NAV2: variants seen among roughly 807,000 people sequenced by gnomAD.
NAV2 encodes the protein neuron navigator 2, also known as helicase, APC down-regulated 1.
In NAV2, 54 loss-of-function variants were observed where a neutral mutation model predicts 223.2. The ratio of observed to expected loss-of-function variants is 0.24; its 90% confidence interval spans 0.19 to 0.30. The LOEUF (loss-of-function observed/expected upper bound fraction) is 0.30, where lower values mean the gene tolerates loss of function less well. Among genes scored for constraint, NAV2 ranks in the 10% least tolerant of loss-of-function variants. NAV2 has a pLI of 1.00. For synonymous variants in NAV2, 1,279 were observed against 1,239.3 expected (o/e 1.03, Z -0.67); for missense variants, 2,806 against 3,147.5 (o/e 0.89, Z 2.60).
At chr11:19,409,992 C>T (rs11025123) in intron 1 of NAV2, among the ~76,000 whole-genome samples, 24,052 of 152,048 alleles carry the variant, frequency 0.16, 2,750 homozygotes, top group African/African-American at 0.3. Flanking sequence ...TTCTCTGGGA[C>T]GCTCTCCTGG....
intron 1 of NAV2, among the ~76,000 whole-genome samples, chr11:19,387,193 A>G (rs962400202): frequency 2.6e-5 from 4 of 152,228 alleles, no homozygotes; most frequent in Middle Eastern, 3.4e-3. Context: ...AAAATTTTCC[A>G]TATCCTGCTG....
intron 1 of NAV2, among the ~76,000 whole-genome samples, chr11:19,681,970 A>G (rs538581580): frequency 9.8e-5 from 15 of 152,288 alleles, no homozygotes; most frequent in African/African-American, 3.4e-4. Context: ...CAATATCAAG[A>G]TAGCTTGTGT....
At chr11:19,628,688 T>C (rs1161430003) in intron 1 of NAV2, among the ~76,000 whole-genome samples, 1 of 152,080 alleles carries the variant, frequency 6.6e-6, no homozygotes, top group African/African-American at 2.4e-5. Flanking sequence ...TATTCACAAA[T>C]ACAGTTGCCA....
rs532695411 is a variant in NAV2 at position 19,731,423 on chromosome 11, A to G, written c.267+17461A>G. ...TATCACACTGGGCTGAACCCTGGCA[A>G]TTTAATGAGAATGAGACAGATGTAG... is the stretch of plus-strand genomic sequence containing the variant. On this transcript the variant is annotated intron_variant, in intron 1 of 37. Coordinates refer to ENST00000349880, the MANE Select transcript of NAV2 (RefSeq NM_145117.5). 3.9e-5 allele frequency among the ~76,000 whole-genome samples: 6 copies of G among 152,330 alleles called. No homozygotes were observed. The East Asian group carries it at 1.2e-3, about 29-fold the overall frequency.
intron 1 of NAV2, among the ~76,000 whole-genome samples, chr11:19,381,045 A>G (rs985409862): frequency 1.3e-5 from 2 of 152,262 alleles, no homozygotes; most frequent in East Asian, 3.9e-4. Flanking sequence ...CTCTTTGCCT[A>G]TACCTGTGTT....
At chr11:20,004,327 G>T (rs2250233) in intron 11 of NAV2, among the ~76,000 whole-genome samples, 149,984 of 152,304 alleles carry the variant, frequency 0.98, 73,898 homozygotes, top group East Asian at 1. Flanking sequence ...CCATGTTTCT[G>T]GTGTAATCCA....
At chr11:19,711,244 A>C (rs968952464), upstream of NAV2, 4 of 152,190 alleles carry the variant, frequency 2.6e-5, no homozygotes, top group African/African-American at 9.7e-5. Flanking sequence ...CTGGTCTGAG[A>C]TCTTTGTCAC....
At chr11:19,600,670 A>G (rs2135237759) in intron 1 of NAV2, among the ~76,000 whole-genome samples, 2 of 152,330 alleles carry the variant, frequency 1.3e-5, no homozygotes, top group South Asian at 2.1e-4. Context: ...CAATTTCTAT[A>G]GCTGCGAAAT....
intron 1 of NAV2, among the ~76,000 whole-genome samples, chr11:19,819,305 T>A (rs2059258911): frequency 6.6e-6 from 1 of 152,214 alleles, no homozygotes; most frequent in Admixed American, 6.5e-5. Flanking sequence ...GGAATGGCTT[T>A]ACGGGGACTG....
At chr11:19,811,340 A>C (rs1233398938) in intron 1 of NAV2, among the ~76,000 whole-genome samples, 4 of 152,128 alleles carry the variant, frequency 2.6e-5, no homozygotes, top group Non-Finnish European at 5.9e-5. Flanking sequence ...GCACCCATTT[A>C]GAGTGTCACC....
intron 26 of NAV2, among the ~76,000 whole-genome samples, chr11:20,085,010 G>A (rs2060333147): frequency 6.6e-6 from 1 of 151,868 alleles, no homozygotes. Flanking sequence ...TCAATATAGT[G>A]AGACTCTGTC....
chr11:19,598,802 A>G (rs898073663), intron 1 of NAV2, among the ~76,000 whole-genome samples: 1 of 152,160 alleles, frequency 6.6e-6, no homozygotes. Flanking sequence ...TTGACCCATT[A>G]GAGAATGGGA....
chr11:19,915,454 GCCCTCCCTTCTCA>G (rs2153224493), intron 6 of NAV2, among the ~76,000 whole-genome samples: 1 of 151,920 alleles, frequency 6.6e-6, no homozygotes, highest in Non-Finnish European at 1.5e-5. Flanking sequence ...TTTTTGCTGT[GCCCTCCCTTCTCA>G]CTGGAAGCTT....
intron 11 of NAV2, among the ~76,000 whole-genome samples, chr11:20,017,153 C>T (rs151307336): frequency 6.6e-6 from 1 of 152,314 alleles, no homozygotes; most frequent in Non-Finnish European, 1.5e-5. Context: ...CACTGACTAC[C>T]TTTCAAAGCT....
upstream of NAV2, among the ~76,000 whole-genome samples, chr11:19,345,829 G>T (rs368558046): frequency 6.6e-6 from 1 of 152,148 alleles, no homozygotes; most frequent in East Asian, 1.9e-4. The surrounding 1 kb of genome is among the most constrained non-coding windows in gnomAD (Gnocchi z 5.2). Flanking sequence ...TCCTGTGCTT[G>T]TTCTTGTGTT....
intron 10 of NAV2, among the ~76,000 whole-genome samples, chr11:19,974,617 AC>A (rs2049547178): frequency 6.6e-6 from 1 of 152,182 alleles, no homozygotes. Context: ...CTCCATCTCT[AC>A]AAAAAATTTA....
intron 1 of NAV2, among the ~76,000 whole-genome samples, chr11:19,488,506 G>T (rs1264879431): frequency 6.6e-6 from 1 of 152,182 alleles, no homozygotes; most frequent in Non-Finnish European, 1.5e-5. Context: ...GGGAGGGAAA[G>T]CTGGGGTCAG....
At chr11:19,712,633 C>G (rs2049949845), upstream of NAV2, 1 of 152,362 alleles carries the variant, frequency 6.6e-6, no homozygotes, top group East Asian at 1.9e-4. Context: ...AGGCGCGCGG[C>G]CGGGGCAGTG....
chr11:19,903,790 G>A (rs572156063), intron 6 of NAV2, among the ~76,000 whole-genome samples: 1 of 152,186 alleles, frequency 6.6e-6, no homozygotes, highest in South Asian at 2.1e-4. Context: ...ACTGTGCTTG[G>A]GAGGATAATA....
Sources: allele counts gnomAD v4.1 joint callset (sites outside exome capture counted in the v4.1 genomes callset), GRCh38; gene constraint gnomAD v4.1.1; non-coding constraint Gnocchi (gnomAD v3.1); transcripts MANE v1.5; gene names NCBI Gene and HGNC (gene_info 2026-07-23, HGNC 2026-07-21).